ERBIN: variants seen among roughly 807,000 people sequenced by gnomAD.
ERBIN encodes the protein densin-180-like protein.
ERBIN carries 60 observed loss-of-function variants against 158.4 expected under a neutral mutation model. The ratio of observed to expected loss-of-function variants is 0.38; its 90% CI spans 0.31 to 0.47. The LOEUF is 0.47. Among genes scored for constraint, ERBIN ranks in the 20% least tolerant of loss-of-function variants. ERBIN has a pLI of 0.99. For missense variants in ERBIN, 1,610 were observed against 1,648.0 expected (o/e 0.98, Z 0.40); for synonymous variants, 594 against 557.2 (o/e 1.07, Z -0.93).
rs141454964 is a variant in ERBIN at position 66,017,099 on chromosome 5, G to A, written c.533+2374G>A. Among the ~76,000 whole-genome samples the A allele has an allele frequency of 2.2e-4, 33 of 152,032 alleles. 1 individual carries two copies. The East Asian group carries it at 3.3e-3, about 15-fold the overall frequency. ...ATACTTTATCCATTCTTCTGTTGAC[G>A]GTTATTTAAATTGATTCCATATTTT... On this transcript the variant is annotated intron_variant, in intron 7 of 25. Coordinates refer to ENST00000284037, the MANE Select transcript of ERBIN (RefSeq NM_001253697.2).
At position 66,050,874 on chromosome 5, in the gene ERBIN, T is replaced by C. The variant is rs113587471; in HGVS notation, c.1995T>C (p.Ser665=). 2.5e-6 allele frequency: 4 copies of C among 1,605,860 alleles called. No individual in the cohort carries two copies. Among genetic ancestry groups the C allele is most frequent in the Non-Finnish European group, 2.5e-6 (3 of 1,176,564 alleles). The change falls in exon 20 of 26, where the codon TCT becomes TCC. Residue 665 remains serine, a synonymous_variant. Transcript: ENST00000284037. ...ATTGTTCTTCTCCATCTCGGATGTC[T>C]GATTCAGTTTCTCTTAATACTGATA... The part of the protein sequence containing the change: ...NSNCSSPSRM[S]DSVSLNTDSS...
intron 1 of ERBIN, among the ~76,000 whole-genome samples, chr5:65,930,588 A>C (rs548635548): frequency 1.3e-5 from 2 of 152,210 alleles, no homozygotes; most frequent in Non-Finnish European, 2.9e-5. Context: ...GATTACAGGC[A>C]TGAGCCACCG....
chr5:65,994,371 CTT>C (rs1752196561), intron 3 of ERBIN, among the ~76,000 whole-genome samples: 1 of 152,140 alleles, frequency 6.6e-6, no homozygotes, highest in Non-Finnish European at 1.5e-5. Context: ...ACACCTAACA[CTT>C]TTACATTTTT....
chr5:65,959,067 T>G, intron 1 of ERBIN, among the ~76,000 whole-genome samples: 1 of 152,254 alleles, frequency 6.6e-6, no homozygotes, highest in East Asian at 1.9e-4. Flanking sequence ...CGTATACACA[T>G]TAACTTTATT....
chr5:66,036,976 G>T lies in ERBIN; in HGVS notation c.1207-1407G>T, dbSNP rs139087057. ...TGACATGTAATTCATGTACCATACAGTGAACCCCTTTTAAAGGATACAATT... is the reference window on the plus strand; with the variant it reads ...TGACATGTAATTCATGTACCATACATTGAACCCCTTTTAAAGGATACAATT... On this transcript the variant is annotated intron_variant, in intron 14 of 25. Transcript: ENST00000284037. 4.3e-3 allele frequency among the ~76,000 whole-genome samples: 659 copies of T among 152,254 alleles called. 5 individuals are homozygous for T. Among genetic ancestry groups the T allele is most frequent in the African/African-American group, 0.015 (636 of 41,550 alleles).
At chr5:65,950,028 T>C (rs185101020) in intron 1 of ERBIN, among the ~76,000 whole-genome samples, 94 of 152,184 alleles carry the variant, frequency 6.2e-4, no homozygotes, top group African/African-American at 1.9e-3. Flanking sequence ...TCCCCTGAGA[T>C]GGAGTTTCGC....
intron 15 of ERBIN, among the ~76,000 whole-genome samples, chr5:66,040,906 A>G (rs570550893): frequency 6.6e-6 from 1 of 151,982 alleles, no homozygotes; most frequent in Admixed American, 6.6e-5. Context: ...TAAATATGCA[A>G]GAGCAGGGGT....
At chr5:65,991,518 C>T (rs1370925178) in intron 2 of ERBIN, among the ~76,000 whole-genome samples, 1 of 152,010 alleles carries the variant, frequency 6.6e-6, no homozygotes, top group African/African-American at 2.4e-5. Flanking sequence ...TATAAAATTG[C>T]CAATGTATTT....
chr5:66,081,220 C>T lies in ERBIN; in HGVS notation c.*2690C>T, dbSNP rs1762370944. On this transcript the variant is annotated 3_prime_UTR_variant, in exon 26 of 26. Coordinates refer to ENST00000284037, the MANE Select transcript of ERBIN (RefSeq NM_001253697.2). ...TGATCAGAGTAATTTATACGGCATA[C>T]AATAGTTGATACAATCTAAAGATTT... 1 of 151,970 alleles carries T rather than the reference C, an allele frequency of 6.6e-6. No homozygotes were observed. Among genetic ancestry groups the T allele is most frequent in the South Asian group, 2.1e-4 (1 of 4,814 alleles). The allele number at this position is 151,970 out of a possible 1,614,324, so 9.4% of individuals were successfully genotyped here.
chr5:66,056,487 T>G (rs1199414749), intron 21 of ERBIN, among the ~76,000 whole-genome samples: 1 of 146,114 alleles, frequency 6.8e-6, no homozygotes, highest in African/African-American at 2.5e-5. Flanking sequence ...TACCTGGATT[T>G]CAGTACATAA....
At chr5:66,009,621 T>C (rs970471768) in intron 4 of ERBIN, among the ~76,000 whole-genome samples, 1 of 152,170 alleles carries the variant, frequency 6.6e-6, no homozygotes, top group African/African-American at 2.4e-5. Flanking sequence ...AAGATCCTAC[T>C]GGTTTTGCTG....
chr5:65,962,013 A>T (rs1747981467), intron 1 of ERBIN, among the ~76,000 whole-genome samples: 1 of 152,208 alleles, frequency 6.6e-6, no homozygotes, highest in South Asian at 2.1e-4. Flanking sequence ...TATATATTTT[A>T]AGTTAATATC....
intron 22 of ERBIN, among the ~76,000 whole-genome samples, chr5:66,073,557 G>GT (rs1761715056): frequency 6.6e-6 from 1 of 152,138 alleles, no homozygotes; most frequent in Non-Finnish European, 1.5e-5. Context: ...GTATAACACA[G>GT]TTTAACAGTG....
At chr5:66,004,623 G>A (rs999129836) in intron 4 of ERBIN, among the ~76,000 whole-genome samples, 13 of 152,104 alleles carry the variant, frequency 8.5e-5, no homozygotes, top group African/African-American at 2.9e-4. Flanking sequence ...GGCTGGCCTC[G>A]AAATTGTGAC....
At chr5:66,032,718 C>G (rs934287655) in intron 14 of ERBIN, among the ~76,000 whole-genome samples, 2 of 152,084 alleles carry the variant, frequency 1.3e-5, no homozygotes, top group African/African-American at 4.8e-5. Context: ...TTGTCATACT[C>G]TAGGCAACAG....
chr5:66,021,781 GTTAC>G (rs1390094952), intron 8 of ERBIN, among the ~76,000 whole-genome samples: 1 of 152,058 alleles, frequency 6.6e-6, no homozygotes, highest in Non-Finnish European at 1.5e-5. Context: ...TCTCTATAAT[GTTAC>G]TTAATAGCTA....
chr5:66,054,450 A>T lies in ERBIN; in HGVS notation c.3132A>T (p.Leu1044Phe). The T allele has an allele frequency of 6.2e-7, 1 of 1,614,196 alleles. No homozygotes were observed. Among genetic ancestry groups the T allele is most frequent in the South Asian group, 1.1e-5 (1 of 91,088 alleles). ...NNVRANTAYH[L>F]HQRLGPARHG... ...TTCGAGCTAATACTGCATACCATTT[A>T]CATCAGAGACTTGGCCCAGCAAGAC... The change falls in exon 21 of 26, where the codon TTA becomes TTT. Residue 1044 changes from leucine (L) to phenylalanine (F), a missense_variant. Coordinates refer to ENST00000284037, the MANE Select transcript of ERBIN (RefSeq NM_001253697.2).
chr5:65,976,516 TTTTC>T (rs1749878336), intron 1 of ERBIN, among the ~76,000 whole-genome samples: 1 of 149,248 alleles, frequency 6.7e-6, no homozygotes, highest in African/African-American at 2.6e-5. Flanking sequence ...TTCTTTTCTT[TTTTC>T]TTTTTTTTTT....
At chr5:65,948,705 A>ACC (rs1376839575) in intron 1 of ERBIN, among the ~76,000 whole-genome samples, 4 of 151,016 alleles carry the variant, frequency 2.6e-5, no homozygotes, top group Non-Finnish European at 5.9e-5. Flanking sequence ...TGAGTAACAG[A>ACC]CAATTTCAGG....
Sources: gnomAD v4.1 joint callset for allele counts (sites outside exome capture counted in the v4.1 genomes callset) on GRCh38, gnomAD v4.1.1 for gene constraint, MANE v1.5 for transcripts, NCBI Gene and HGNC (gene_info 2026-07-23, HGNC 2026-07-21) for gene names.